The following USP32 variants were observed in gnomAD, a reference collection of about 807,000 sequenced individuals.
USP32 encodes the protein ubiquitin carboxyl-terminal hydrolase 32.
In USP32, 59 loss-of-function variants were observed where a neutral mutation model predicts 204.8. That is an observed-to-expected ratio of 0.29 (90% confidence interval 0.23 to 0.36). The LOEUF (loss-of-function observed/expected upper bound fraction) is 0.36, where lower values mean the gene tolerates loss of function less well. Among genes scored for constraint, USP32 ranks in the 10% least tolerant of loss-of-function variants. USP32 has a pLI of 1.00. For synonymous variants in USP32, 517 were observed against 678.4 expected (o/e 0.76, Z 3.70); for missense variants, 1,160 against 1,946.4 (o/e 0.60, Z 7.60).
At chr17:60,368,393 T>A (rs1018329271) in intron 1 of USP32, among the ~76,000 whole-genome samples, 1 of 152,212 alleles carries the variant, frequency 6.6e-6, no homozygotes, top group Non-Finnish European at 1.5e-5. Flanking sequence ...GGAAAAGTGT[T>A]CTATTGTTAT....
At chr17:60,420,589 C>A (rs1396240147) in intron 1 of USP32, among the ~76,000 whole-genome samples, 1 of 152,138 alleles carries the variant, frequency 6.6e-6, no homozygotes, top group Non-Finnish European at 1.5e-5. Context: ...ATGGCTTGAA[C>A]CCGAGAGGCG....
chr17:60,267,892 C>A, intron 7 of USP32, among the ~76,000 whole-genome samples: 1 of 151,992 alleles, frequency 6.6e-6, no homozygotes, highest in African/African-American at 2.4e-5. Context: ...CTCACTGCAA[C>A]CTCCACCTCC....
At chr17:60,411,806 T>C (rs2090021072) in intron 1 of USP32, among the ~76,000 whole-genome samples, 1 of 152,198 alleles carries the variant, frequency 6.6e-6, no homozygotes, top group East Asian at 1.9e-4. Flanking sequence ...TGTTGTAGTA[T>C]ATATGAGGAT....
chr17:60,199,209 T>G (rs2084609815), intron 26 of USP32, among the ~76,000 whole-genome samples: 1 of 152,248 alleles, frequency 6.6e-6, no homozygotes, highest in Admixed American at 6.5e-5. Context: ...ATAGTGGTTG[T>G]TGGAGTGGCA....
chr17:60,249,138 AG>A (rs964680664), intron 11 of USP32: 5 of 151,976 alleles, frequency 3.3e-5, no homozygotes, highest in African/African-American at 1.2e-4. Context: ...GACTGCTGAG[AG>A]GTTGTGCTCT....
intron 13 of USP32, 68 bp downstream of exon 13, chr17:60,225,968 AAAG>A (rs2085375549): frequency 3.4e-6 from 5 of 1,452,806 alleles, no homozygotes; most frequent in South Asian, 1.4e-5. Context: ...AAAAAAAAAA[AAAG>A]AAAAGAAAAG....
intron 1 of USP32, among the ~76,000 whole-genome samples, chr17:60,366,852 T>C (rs1190580209): frequency 6.6e-6 from 1 of 152,052 alleles, no homozygotes; most frequent in African/African-American, 2.4e-5. Context: ...AGAGGGAGTC[T>C]TGCTCTGTCA....
intron 2 of USP32, among the ~76,000 whole-genome samples, chr17:60,330,900 C>T (rs1169810056): frequency 6.6e-6 from 1 of 152,174 alleles, no homozygotes; most frequent in Non-Finnish European, 1.5e-5. Context: ...CACCCTTCTC[C>T]CCTCCATTCC....
intron 1 of USP32, 55 bp downstream of exon 1, chr17:60,391,827 C>T (rs2089840146): frequency 2.5e-6 from 4 of 1,582,498 alleles, no homozygotes; most frequent in Non-Finnish European, 3.4e-6. Context: ...ACCCACCCTC[C>T]AGGCTGCCCG....
At chr17:60,279,338 T>C (rs1196328529) in intron 5 of USP32, among the ~76,000 whole-genome samples, 1 of 150,906 alleles carries the variant, frequency 6.6e-6, no homozygotes, top group Non-Finnish European at 1.5e-5. Context: ...TTTTAGAAAT[T>C]AGCCGGGTGT....
intron 1 of USP32, chr17:60,422,176 G>GCC: frequency 3.6e-6 from 1 of 279,140 alleles, no homozygotes. Context: ...CTCTCGGGGA[G>GCC]CCCCCACCAC....
intron 1 of USP32, chr17:60,421,634 C>T (rs959625926): frequency 2.1e-6 from 2 of 966,898 alleles, no homozygotes; most frequent in Non-Finnish European, 1.2e-6. Context: ...CGCCGTGTGC[C>T]GCCCAGGGAC....
chr17:60,219,972 G>A (rs1389757651), intron 15 of USP32, among the ~76,000 whole-genome samples, 185 bp from the exon 16 acceptor site: 2 of 149,918 alleles, frequency 1.3e-5, no homozygotes, highest in East Asian at 1.9e-4. Context: ...TTCCTGCTCC[G>A]AAACCCATTT....
Position 60,205,513 on chromosome 17 carries a change from A to C in USP32, c.3183T>G (p.Asn1061Lys), listed in dbSNP as rs2084802594. ...TGTCAGGAAGAGATGGCATGTGACC[A>C]TTAACCATTCCATTTGTGAAGTTCT... ...TEKNFTNGMVNGHMPSLPDSP... is the reference protein window; with the variant it reads ...TEKNFTNGMVKGHMPSLPDSP... Residue 1061 changes from asparagine to lysine, a missense_variant, in exon 26 of 34, where the codon AAT (asparagine) becomes AAG (lysine). Transcript: ENST00000300896. 1.2e-6 allele frequency: 2 copies of C among 1,613,838 alleles called. No homozygotes were observed. Among genetic ancestry groups the C allele is most frequent in the South Asian group, 2.2e-5 (2 of 91,082 alleles).
At chr17:60,211,596 G>A (rs1422154745) in intron 19 of USP32, 82 bp from the exon 20 acceptor site, 1 of 1,504,798 alleles carries the variant, frequency 6.6e-7, no homozygotes, top group Non-Finnish European at 8.8e-7. Context: ...CAATGAAAAG[G>A]TTTTTTATAA....
intron 1 of USP32, among the ~76,000 whole-genome samples, chr17:60,385,824 T>C (rs1218055275): frequency 6.9e-6 from 1 of 144,326 alleles, no homozygotes. Flanking sequence ...GCCTGAGCAA[T>C]AGAGACTCTG....
chr17:60,201,216 C>T (rs2084667086), intron 26 of USP32, among the ~76,000 whole-genome samples: 1 of 152,178 alleles, frequency 6.6e-6, no homozygotes, highest in South Asian at 2.1e-4. Flanking sequence ...TTCATTTATA[C>T]TCTATATAAC....
chr17:60,360,328 T>TTTTTTGTATTTTTACAAATACAAAAAA (rs1457926000), intron 1 of USP32, among the ~76,000 whole-genome samples: 2 of 151,876 alleles, frequency 1.3e-5, no homozygotes, highest in African/African-American at 2.4e-5. Flanking sequence ...ACAAAAATTA[T>TTTTTTGTATTTTTACAAATACAAAAAA]TTTTTGTATT....
chr17:60,192,160 G>A lies in USP32; in HGVS notation c.3521+684C>T, dbSNP rs185440997. ...ACAAAAATTAGCTGGGTACAGTGGTGTGCACCTGTAGTCCCGGCTACTCGG... is the reference window on the plus strand; with the variant it reads ...ACAAAAATTAGCTGGGTACAGTGGTATGCACCTGTAGTCCCGGCTACTCGG... On this transcript the variant is annotated intron_variant, in intron 28 of 33. Transcript: ENST00000300896. Among the ~76,000 whole-genome samples, 11 of 152,050 alleles carry A rather than the reference G, an allele frequency of 7.2e-5. No individual in the cohort carries two copies. In the East Asian group the frequency reaches 2.0e-3, roughly 27 times the overall value.
Sources: allele counts gnomAD v4.1 joint callset (sites outside exome capture counted in the v4.1 genomes callset), GRCh38; gene constraint gnomAD v4.1.1; transcripts MANE v1.5; gene names NCBI Gene and HGNC (gene_info 2026-07-23, HGNC 2026-07-21).